RASGEF1C: variants seen among roughly 807,000 people sequenced by gnomAD.
RASGEF1C encodes ras-GEF domain-containing family member 1C.
In RASGEF1C, 27 loss-of-function variants were observed where a neutral mutation model predicts 58.1. The observed-to-expected ratio is 0.46, with a 90% CI of 0.34 to 0.64. The LOEUF (loss-of-function observed/expected upper bound fraction) is 0.64, where lower values mean the gene tolerates loss of function less well. Among genes scored for constraint, RASGEF1C ranks in the 30% least tolerant of loss-of-function variants. The probability of loss-of-function intolerance (pLI) is 0.01; values close to 1 mark genes in which losing one functional copy is unlikely to be tolerated. For missense variants in RASGEF1C, 502 were observed against 605.1 expected (o/e 0.83, Z 1.79); for synonymous variants, 243 against 246.3 (o/e 0.99, Z 0.13).
intron 13 of RASGEF1C, among the ~76,000 whole-genome samples, chr5:180,101,757 TC>T (rs1428094874): frequency 6.6e-6 from 1 of 152,218 alleles, no homozygotes; most frequent in African/African-American, 2.4e-5. Context: ...GGGGTGTGTG[TC>T]CCACTGTCTG....
chr5:180,103,141 G>A (rs549086236), intron 12 of RASGEF1C, among the ~76,000 whole-genome samples: 10 of 152,098 alleles, frequency 6.6e-5, no homozygotes, highest in Admixed American at 3.9e-4. Flanking sequence ...GCAGTGGCGC[G>A]ATCTCGGCTC....
intron 1 of RASGEF1C, among the ~76,000 whole-genome samples, chr5:180,178,839 C>T (rs1275875706): frequency 2.6e-5 from 4 of 151,946 alleles, no homozygotes; most frequent in African/African-American, 7.3e-5. Context: ...AATGCACCCC[C>T]GGCTGATATG....
intron 1 of RASGEF1C, among the ~76,000 whole-genome samples, chr5:180,173,280 G>C (rs1767142457): frequency 6.6e-6 from 1 of 152,204 alleles, no homozygotes; most frequent in Admixed American, 6.5e-5. Flanking sequence ...CAGAACCAAG[G>C]GCTGCCCCTC....
intron 1 of RASGEF1C, among the ~76,000 whole-genome samples, chr5:180,190,372 C>T (rs1032606214): frequency 6.6e-6 from 1 of 151,318 alleles, no homozygotes; most frequent in East Asian, 1.9e-4. Flanking sequence ...CGCCTGTAGT[C>T]CCAGCTACTC....
intron 1 of RASGEF1C, among the ~76,000 whole-genome samples, chr5:180,182,263 TAC>T (rs1361777837): frequency 6.7e-6 from 1 of 149,846 alleles, no homozygotes; most frequent in African/African-American, 2.5e-5. Context: ...CAGTGAGTGT[TAC>T]ACAGCTCTTA....
chr5:180,152,864 T>C (rs920180218), intron 1 of RASGEF1C, among the ~76,000 whole-genome samples: 15 of 148,518 alleles, frequency 1.0e-4, no homozygotes, highest in Admixed American at 8.8e-4. Flanking sequence ...TGGGCCGAGA[T>C]TGCGCCACTG....
chr5:180,165,087 G>A (rs1766998045), intron 1 of RASGEF1C, among the ~76,000 whole-genome samples: 1 of 151,818 alleles, frequency 6.6e-6, no homozygotes, highest in Non-Finnish European at 1.5e-5. Context: ...GCCACTCTGG[G>A]TTTCTTTTGA....
chr5:180,103,602 A>AT (rs937176637), intron 12 of RASGEF1C, among the ~76,000 whole-genome samples: 2 of 151,660 alleles, frequency 1.3e-5, no homozygotes, highest in South Asian at 2.1e-4. Context: ...ATTCTTTGGG[A>AT]TTTTTTTTCC....
At chr5:180,179,032 TA>T (rs770224045) in intron 1 of RASGEF1C, among the ~76,000 whole-genome samples, 7 of 151,972 alleles carry the variant, frequency 4.6e-5, no homozygotes, top group Non-Finnish European at 1.0e-4. Flanking sequence ...GAGGCGGGTT[TA>T]TGACCATGGG....
chr5:180,147,097 A>T (rs1387909548), intron 1 of RASGEF1C, among the ~76,000 whole-genome samples: 2 of 151,994 alleles, frequency 1.3e-5, no homozygotes, highest in Non-Finnish European at 2.9e-5. Context: ...GTTGGCATAT[A>T]ATTTTTTATA....
At chr5:180,191,990 G>A (rs1284088047) in intron 1 of RASGEF1C, among the ~76,000 whole-genome samples, 1 of 152,132 alleles carries the variant, frequency 6.6e-6, no homozygotes, top group African/African-American at 2.4e-5. Flanking sequence ...GCTGTGAGAG[G>A]CCACCCACTT....
Position 180,167,293 on chromosome 5 carries a change from T to G in RASGEF1C, c.-6-29235A>C, listed in dbSNP as rs183185445. ...CTCTCTGTTGTTCAGATTGGATAATTTCTGTGGAACTATCTTCAATATCCC... is the reference window on the plus strand; with the variant it reads ...CTCTCTGTTGTTCAGATTGGATAATGTCTGTGGAACTATCTTCAATATCCC... On this transcript the variant is annotated intron_variant, in intron 1 of 13. Coordinates refer to ENST00000361132, the MANE Select transcript of RASGEF1C (RefSeq NM_175062.4). Among the ~76,000 whole-genome samples, 223 of 152,322 alleles carry G rather than the reference T, an allele frequency of 1.5e-3. 4 individuals carry two copies. Among genetic ancestry groups the G allele is most frequent in the Non-Finnish European group, 2.6e-3 (178 of 68,026 alleles).
intron 1 of RASGEF1C, among the ~76,000 whole-genome samples, chr5:180,142,218 G>T (rs1046618923): frequency 6.6e-6 from 1 of 152,008 alleles, no homozygotes; most frequent in African/African-American, 2.4e-5. Context: ...CGTGGGGCTC[G>T]GTGTGTGTGA....
chr5:180,152,859 C>T (rs961546491), intron 1 of RASGEF1C, among the ~76,000 whole-genome samples: 21 of 144,322 alleles, frequency 1.5e-4, no homozygotes, highest in African/African-American at 4.2e-4. Context: ...TGCAGTGGGC[C>T]GAGATTGCGC....
intron 1 of RASGEF1C, among the ~76,000 whole-genome samples, chr5:180,161,786 A>G (rs1401523274): frequency 6.6e-6 from 1 of 152,198 alleles, no homozygotes; most frequent in Non-Finnish European, 1.5e-5. Context: ...AGACAGTCTC[A>G]GGCCAGGTCA....
intron 6 of RASGEF1C, among the ~76,000 whole-genome samples, chr5:180,127,325 G>C (rs1766279290): frequency 6.6e-6 from 1 of 152,140 alleles, no homozygotes; most frequent in African/African-American, 2.4e-5. Context: ...TGGCCCACCC[G>C]AGCAGCGCGG....
chr5:180,111,636 T>C, intron 11 of RASGEF1C, 56 bp from the exon 12 acceptor site: 1 of 1,605,544 alleles, frequency 6.2e-7, no homozygotes. Context: ...GAGGTCCCCA[T>C]GAGGGGGAGG....
chr5:180,192,412 T>C (rs1399156031), intron 1 of RASGEF1C, among the ~76,000 whole-genome samples: 2 of 152,136 alleles, frequency 1.3e-5, no homozygotes, highest in South Asian at 2.1e-4. Flanking sequence ...AGTGTTCACA[T>C]AGGCTGACAC....
chr5:180,137,800 G>A lies in RASGEF1C; in HGVS notation c.177+76C>T. ...AGCTGGCCCTGTACCCTGGCCCAAG[G>A]TCACGCCCAACCCTGATGCCCCCCG... On this transcript the variant is annotated intron_variant, in intron 2 of 13. Transcript: ENST00000361132. This position sits in a 1 kb window ranked among gnomAD's most constrained non-coding sequence, Gnocchi z 4.1. 5 of 1,603,072 alleles carry A rather than the reference G, an allele frequency of 3.1e-6. No individual in the cohort carries two copies. The highest frequency in any genetic ancestry group is 4.3e-6 in the Non-Finnish European group (5 of 1,174,982).
Sources: allele counts gnomAD v4.1 joint callset (sites outside exome capture counted in the v4.1 genomes callset), GRCh38; gene constraint gnomAD v4.1.1; non-coding constraint Gnocchi (gnomAD v3.1); transcripts MANE v1.5; gene names NCBI Gene and HGNC (gene_info 2026-07-23, HGNC 2026-07-21).